The following LRRK1 variants were observed in gnomAD, a reference collection of about 807,000 sequenced individuals.
LRRK1 encodes leucine-rich repeat serine/threonine-protein kinase 1.
LRRK1 carries 113 observed loss-of-function variants against 209.1 expected under a neutral mutation model. The ratio of observed to expected loss-of-function variants is 0.54; its 90% CI spans 0.46 to 0.63. LRRK1 has a LOEUF of 0.63. Ranked by LOEUF, LRRK1 falls within the 30% of genes least tolerant of loss-of-function variation. The probability of loss-of-function intolerance (pLI) is 0.00; values close to 1 mark genes in which losing one functional copy is unlikely to be tolerated. For missense variants in LRRK1, 2,284 were observed against 2,632.2 expected (o/e 0.87, Z 2.89); for synonymous variants, 1,144 against 1,099.7 (o/e 1.04, Z -0.80).
chr15:100,971,461 G>A (rs1039642043), intron 2 of LRRK1, among the ~76,000 whole-genome samples: 1 of 152,192 alleles, frequency 6.6e-6, no homozygotes, highest in African/African-American at 2.4e-5. Flanking sequence ...AGAGCTGGGA[G>A]ACCAAACTTC....
At chr15:100,989,157 T>G in intron 5 of LRRK1, 93 bp from the exon 6 acceptor site, 1 of 1,112,830 alleles carries the variant, frequency 9.0e-7, no homozygotes, top group African/African-American at 1.6e-5. Context: ...CAAGTACCTT[T>G]TCAGTTTCCA....
At chr15:101,056,674 G>A (rs1342049822) in intron 27 of LRRK1, among the ~76,000 whole-genome samples, 182 bp from the exon 28 acceptor site, 1 of 152,176 alleles carries the variant, frequency 6.6e-6, no homozygotes, top group Admixed American at 6.5e-5. Context: ...TAGATAAATG[G>A]ATAGAAGAGA....
chr15:100,967,549 A>G (rs2030545655), intron 2 of LRRK1, among the ~76,000 whole-genome samples: 1 of 14,438 alleles, frequency 6.9e-5, no homozygotes. Context: ...TCCTGGGAGC[A>G]GGATTTTCCA....
chr15:101,016,483 G>A (rs1253767842), intron 12 of LRRK1, among the ~76,000 whole-genome samples: 1 of 147,858 alleles, frequency 6.8e-6, no homozygotes, highest in Non-Finnish European at 1.5e-5. Flanking sequence ...ACCACGCCCG[G>A]CCCCTCTTCT....
intron 2 of LRRK1, among the ~76,000 whole-genome samples, chr15:100,946,531 T>C (rs2042542437): frequency 6.6e-6 from 1 of 152,198 alleles, no homozygotes; most frequent in African/African-American, 2.4e-5. Flanking sequence ...AGGGGTAACA[T>C]ATTGCTTTCT....
Position 101,027,157 on chromosome 15 carries a change from C to T in LRRK1, c.2406-104C>T. 1 of 1,445,950 alleles carries T rather than the reference C, an allele frequency of 6.9e-7. No homozygotes were observed. The highest frequency in any genetic ancestry group is 9.4e-7 in the Non-Finnish European group (1 of 1,064,040). The allele number at this position is 1,445,950 out of a possible 1,614,324, so 89.6% of individuals were successfully genotyped here. On this transcript the variant is annotated intron_variant, in intron 17 of 33. Coordinates refer to ENST00000388948, the MANE Select transcript of LRRK1 (RefSeq NM_024652.6). This position sits in a 1 kb window ranked among gnomAD's most constrained non-coding sequence, Gnocchi z 5.1. Reference sequence around the variant, plus strand: ...CTTGTGTTGTCTTTCACGAGTTCTCCAGACTTGCCAGCGTTCAGGACAAAC... The same window carrying T: ...CTTGTGTTGTCTTTCACGAGTTCTCTAGACTTGCCAGCGTTCAGGACAAAC...
chr15:100,962,995 G>C (rs2030181065), intron 2 of LRRK1, among the ~76,000 whole-genome samples: 1 of 148,976 alleles, frequency 6.7e-6, no homozygotes, highest in Non-Finnish European at 1.5e-5. Context: ...GGCTAATTTT[G>C]TATTTTTAGT....
At chr15:101,066,433 C>T (rs2036535180) in intron 32 of LRRK1, among the ~76,000 whole-genome samples, 2 of 152,254 alleles carry the variant, frequency 1.3e-5, no homozygotes, top group African/African-American at 4.8e-5. Flanking sequence ...AGGTGCCACA[C>T]AAGGAAAGCC....
intron 3 of LRRK1, 61 bp from the exon 4 acceptor site, chr15:100,983,467 A>G (rs936861086): frequency 5.9e-5 from 87 of 1,467,050 alleles, no homozygotes; most frequent in Non-Finnish European, 7.6e-5. Context: ...GTTTAACGTC[A>G]GTTGTCTTGG....
At chr15:101,001,807 T>TA (rs1255632218) in intron 6 of LRRK1, among the ~76,000 whole-genome samples, 1 of 152,198 alleles carries the variant, frequency 6.6e-6, no homozygotes, top group Non-Finnish European at 1.5e-5. Context: ...GGAAGATTCT[T>TA]ACTCATGAGC....
intron 6 of LRRK1, among the ~76,000 whole-genome samples, chr15:100,997,413 A>G (rs934127754): frequency 6.6e-6 from 1 of 152,332 alleles, no homozygotes; most frequent in Non-Finnish European, 1.5e-5. Flanking sequence ...TGATGGCCAG[A>G]CCTTTGCCCT....
chr15:100,982,012 C>T (rs1008976382), intron 3 of LRRK1, among the ~76,000 whole-genome samples: 3 of 152,246 alleles, frequency 2.0e-5, no homozygotes, highest in Admixed American at 1.3e-4. Context: ...AGTGCCCAGT[C>T]CCACCTGTCA....
chr15:100,992,223 A>G (rs1174420420), intron 6 of LRRK1, among the ~76,000 whole-genome samples: 1 of 152,210 alleles, frequency 6.6e-6, no homozygotes, highest in East Asian at 1.9e-4. Context: ...TATCTGGAGA[A>G]GTCTCACAGG....
At chr15:100,941,466 G>GTGTGTGTCTGTGTGTCTGTGTGTGTCTA (rs1567191251) in intron 2 of LRRK1, among the ~76,000 whole-genome samples, 1 of 108,454 alleles carries the variant, frequency 9.2e-6, no homozygotes, top group African/African-American at 4.2e-5. Context: ...CTATGTCTCT[G>GTGTGTGTCTGTGTGTCTGTGTGTGTCTA]TGTGTGTGTG....
In LRRK1 at chr15:101,056,990, A is replaced by T. The variant is rs1277995966; in HGVS notation, c.4467A>T (p.Glu1489Asp). Residue 1489 changes from glutamate (E) to aspartate (D), a missense_variant, in exon 28 of 34, where the codon GAA (glutamate) becomes GAT (aspartate). Transcript: ENST00000388948. ...GIRPVLGQPEEVQFRRLQALM... is the reference protein window; with the variant it reads ...GIRPVLGQPEDVQFRRLQALM... ...GCCCGGTTCTGGGGCAGCCGGAGGAAGTGCAGTTCCGGCGACTGCAGGCGC... is the reference window on the plus strand; with the variant it reads ...GCCCGGTTCTGGGGCAGCCGGAGGATGTGCAGTTCCGGCGACTGCAGGCGC... 1 of 1,614,050 alleles carries T rather than the reference A, an allele frequency of 6.2e-7. No individual in the cohort carries two copies. Among genetic ancestry groups the T allele is most frequent in the African/African-American group, 1.3e-5 (1 of 75,060 alleles).
Position 101,077,375 on chromosome 15 carries a change from C to T in LRRK1, c.*8527C>T, listed in dbSNP as rs1023828453. ...ACACTGCCAGTTTACACTGTTTCTCCAAGCCATCACAGCTGATATCTCCTG... is the reference window on the plus strand; with the variant it reads ...ACACTGCCAGTTTACACTGTTTCTCTAAGCCATCACAGCTGATATCTCCTG... On this transcript the variant is annotated 3_prime_UTR_variant, in exon 34 of 34. Coordinates refer to ENST00000388948, the MANE Select transcript of LRRK1 (RefSeq NM_024652.6). 2 of 152,218 alleles carry T rather than the reference C, an allele frequency of 1.3e-5. No homozygotes were observed. The highest frequency in any genetic ancestry group is 2.4e-5 in the African/African-American group (1 of 41,460). 9.4% of individuals were successfully genotyped at this position (152,218 alleles called of 1,614,324 possible).
intron 20 of LRRK1, chr15:101,044,026 A>G (rs1316582972): frequency 1.3e-5 from 2 of 152,160 alleles, no homozygotes; most frequent in Non-Finnish European, 2.9e-5. Flanking sequence ...GTACACATCC[A>G]GGAATAGTGG....
chr15:101,048,710 C>T (rs1029768102), intron 22 of LRRK1, 53 bp downstream of exon 22: 1 of 1,431,052 alleles, frequency 7.0e-7, no homozygotes, highest in Admixed American at 2.8e-5. Context: ...ACAGCAGCCA[C>T]CGCGGGGCCA....
At chr15:101,058,618 G>GGA (rs2050924804) in intron 29 of LRRK1, among the ~76,000 whole-genome samples, 1 of 11,198 alleles carries the variant, frequency 8.9e-5, no homozygotes, top group Admixed American at 2.3e-3. Flanking sequence ...AAGGGGCAAC[G>GGA]GGGGGGGGCG....
Sources: allele counts gnomAD v4.1 joint callset (sites outside exome capture counted in the v4.1 genomes callset), GRCh38; gene constraint gnomAD v4.1.1; non-coding constraint Gnocchi (gnomAD v3.1); transcripts MANE v1.5; gene names NCBI Gene and HGNC (gene_info 2026-07-23, HGNC 2026-07-21).